The following PPM1B variants were observed in gnomAD, a reference collection of about 807,000 sequenced individuals.
PPM1B encodes protein phosphatase, Mg2+/Mn2+ dependent 1B.
Under a neutral mutation model 43.0 loss-of-function variants are expected in PPM1B, and 22 were observed. That is an observed-to-expected ratio of 0.51 (90% CI 0.37 to 0.73). The LOEUF is 0.73. Ranked by LOEUF, PPM1B falls within the 30% of genes least tolerant of loss-of-function variation. PPM1B has a pLI of 0.00. For missense variants in PPM1B, 632 were observed against 584.2 expected, an observed-to-expected ratio of 1.08 and a Z score of -0.84; for synonymous variants, 217 against 197.9, an observed-to-expected ratio of 1.10 and a Z score of -0.81.
chr2:44,199,329 A>T lies in PPM1B; in HGVS notation c.-14-1857A>T, dbSNP rs913756999. On this transcript the variant is annotated intron_variant, in intron 1 of 5. Coordinates refer to ENST00000282412, the MANE Select transcript of PPM1B (RefSeq NM_002706.6). The stretch of plus-strand genomic sequence containing the variant: ...AAAAAAAAAAAAAATAAAAATAAAA[A>T]AAAAAAAAATTGAGCCAGGTATGGT... Among the ~76,000 whole-genome samples, 20 of 144,892 alleles carry T rather than the reference A, an allele frequency of 1.4e-4. No individual in the cohort carries two copies. The South Asian group carries it at 1.6e-3, about 11-fold the overall frequency.
At chr2:44,183,799 C>G (rs1667994703) in intron 1 of PPM1B, among the ~76,000 whole-genome samples, 1 of 152,000 alleles carries the variant, frequency 6.6e-6, no homozygotes, top group South Asian at 2.1e-4. Context: ...AGTGCAGTGG[C>G]GCGATCTCGG....
At chr2:44,207,166 A>T (rs1323799112) in intron 2 of PPM1B, among the ~76,000 whole-genome samples, 1 of 152,150 alleles carries the variant, frequency 6.6e-6, no homozygotes, top group Non-Finnish European at 1.5e-5. Context: ...CTGCCTTCAA[A>T]CTTTACTCCC....
intron 1 of PPM1B, among the ~76,000 whole-genome samples, chr2:44,183,540 G>T (rs1460127415): frequency 6.6e-6 from 1 of 152,144 alleles, no homozygotes; most frequent in East Asian, 1.9e-4. Flanking sequence ...ACCAGAGGAA[G>T]CCAAAAGGCC....
Position 44,230,404 on chromosome 2 carries a change from TA to T in PPM1B, c.1135-2del. On this transcript the variant is annotated splice_region_variant and splice_polypyrimidine_tract_variant and intron_variant, in intron 5 of 5. Transcript: ENST00000282412. ...CTACTGACACTGGGGTCTTGAATCT[TA>T]AAAAAAGGCCTCCGATGAAGCAGAG... is the stretch of plus-strand genomic sequence containing the variant. 2.5e-6 allele frequency: 4 copies of T among 1,611,768 alleles called. No individual in the cohort carries two copies. Among genetic ancestry groups the T allele is most frequent in the Admixed American group, 1.7e-5 (1 of 59,628 alleles).
chr2:44,207,988 A>G (rs1669274349), intron 2 of PPM1B, among the ~76,000 whole-genome samples: 1 of 150,346 alleles, frequency 6.7e-6, no homozygotes, highest in South Asian at 2.1e-4. Flanking sequence ...TCCCGGGTTC[A>G]AGTGATTCTC....
Position 44,205,342 on chromosome 2 carries a change from GGTGTGGGTGTGGGT to G in PPM1B, c.846+3303_846+3316del, listed in dbSNP as rs914425938. ...GATAAAATAAAGAAGAGTGGGTGTG[GGTGTGGGTGTGGGT>G]GTGTGTGTGTGTGTGTGTGTGTGTA... On this transcript the variant is annotated intron_variant, in intron 2 of 5. Coordinates refer to ENST00000282412, the MANE Select transcript of PPM1B (RefSeq NM_002706.6). Among the ~76,000 whole-genome samples, 5 of 100,824 alleles carry G rather than the reference GGTGTGGGTGTGGGT, an allele frequency of 5.0e-5. No homozygotes were observed. The East Asian group carries it at 1.1e-3, about 22-fold the overall frequency. The allele number at this position is 100,824 out of a possible 152,430, so 66.1% of individuals were successfully genotyped here. A position where few individuals can be genotyped will look rare whatever the true frequency, so the allele number is the denominator to read the frequency against.
intron 1 of PPM1B, among the ~76,000 whole-genome samples, chr2:44,185,189 T>C (rs1558394110): frequency 6.6e-6 from 1 of 152,128 alleles, no homozygotes; most frequent in Non-Finnish European, 1.5e-5. Context: ...TCTTTCAGCA[T>C]TGTTAATGAG....
Position 44,217,963 on chromosome 2 carries a change from A to G in PPM1B, c.965-4A>G, listed in dbSNP as rs1282142505. The stretch of plus-strand genomic sequence containing the variant: ...TTTAGGAACTTTTTTTAAAAAACCT[A>G]CAGAGATTATGGAGAAGTCTGGCGA... On this transcript the variant is annotated splice_polypyrimidine_tract_variant and splice_region_variant and intron_variant, in intron 3 of 5. Transcript: ENST00000282412. 3 of 1,578,856 alleles carry G rather than the reference A, an allele frequency of 1.9e-6. No individual in the cohort carries two copies. Among genetic ancestry groups the G allele is most frequent in the Non-Finnish European group, 2.6e-6 (3 of 1,166,232 alleles).
downstream of PPM1B, chr2:44,232,359 C>G (rs1412896147): frequency 6.2e-7 from 1 of 1,604,252 alleles, no homozygotes; most frequent in East Asian, 2.3e-5. Context: ...TAAAAACCTT[C>G]TAAAATGCTT....
chr2:44,244,405 C>G, downstream of PPM1B: 1 of 1,299,184 alleles, frequency 7.7e-7, no homozygotes, highest in Non-Finnish European at 1.0e-6. Context: ...TGCTGTTAAC[C>G]TTTAATCTTA....
At chr2:44,219,611 C>T (rs1486711592) in intron 5 of PPM1B, among the ~76,000 whole-genome samples, 1 of 152,046 alleles carries the variant, frequency 6.6e-6, no homozygotes, top group African/African-American at 2.4e-5. Flanking sequence ...AGCAGTGATT[C>T]TGAGTCTTTT....
chr2:44,241,870 T>TTTTTTTTTTG (rs1670753046), intron 5 of PPM1B, among the ~76,000 whole-genome samples: 1 of 132,036 alleles, frequency 7.6e-6, no homozygotes, highest in African/African-American at 2.9e-5. Context: ...TTTTTTTTTT[T>TTTTTTTTTTG]TTTTTTGAGA....
intron 5 of PPM1B, among the ~76,000 whole-genome samples, chr2:44,220,198 T>C (rs1224320189): frequency 6.6e-6 from 1 of 151,814 alleles, no homozygotes; most frequent in Non-Finnish European, 1.5e-5. Flanking sequence ...TTATTAGCCA[T>C]AGAAGTACTC....
downstream of PPM1B, among the ~76,000 whole-genome samples, chr2:44,235,459 C>T (rs894156744): frequency 6.6e-6 from 1 of 151,912 alleles, no homozygotes; most frequent in African/African-American, 2.4e-5. Context: ...CAAAATTAGC[C>T]AGGCATGGTG....
chr2:44,220,795 G>A (rs1253645440), intron 5 of PPM1B, among the ~76,000 whole-genome samples: 2 of 152,188 alleles, frequency 1.3e-5, no homozygotes, highest in Non-Finnish European at 1.5e-5. Flanking sequence ...TTAAGCAGGG[G>A]GAAAGTCAGC....
chr2:44,232,654 CATGGGAA>C, downstream of PPM1B: 1 of 1,168,400 alleles, frequency 8.6e-7, no homozygotes, highest in Non-Finnish European at 1.1e-6. Flanking sequence ...GCCTGAGGTG[CATGGGAA>C]ATATAGTTAG....
chr2:44,232,613 G>T, downstream of PPM1B: 1 of 1,261,416 alleles, frequency 7.9e-7, no homozygotes, highest in Non-Finnish European at 1.0e-6. Flanking sequence ...CTAGAAACCA[G>T]TGGAGTTATT....
intron 5 of PPM1B, among the ~76,000 whole-genome samples, chr2:44,219,458 G>T (rs943710498): frequency 6.6e-6 from 1 of 151,920 alleles, no homozygotes; most frequent in Non-Finnish European, 1.5e-5. Context: ...ATTCATTGTT[G>T]CACAGCAATA....
intron 2 of PPM1B, among the ~76,000 whole-genome samples, chr2:44,206,702 TA>T (rs1302030298): frequency 2.6e-5 from 4 of 152,200 alleles, no homozygotes; most frequent in African/African-American, 9.7e-5. Flanking sequence ...AATTGCTTTA[TA>T]AAGTGTAATT....
Sources: gnomAD v4.1 joint callset for allele counts (sites outside exome capture counted in the v4.1 genomes callset) on GRCh38, gnomAD v4.1.1 for gene constraint, MANE v1.5 for transcripts, NCBI Gene and HGNC (gene_info 2026-07-23, HGNC 2026-07-21) for gene names.